The following RAD50 variants were observed in gnomAD, a reference collection of about 807,000 sequenced individuals.
The protein encoded by RAD50 is DNA repair protein RAD50.
Under a neutral mutation model 168.8 loss-of-function variants are expected in RAD50, and 132 were observed. That is an observed-to-expected ratio of 0.78 (90% CI 0.68 to 0.90). The LOEUF (loss-of-function observed/expected upper bound fraction) is 0.90, where lower values mean the gene tolerates loss of function less well. Ranked by LOEUF, RAD50 falls within the 40% of genes least tolerant of loss-of-function variation. The pLI is 0.00. For missense variants in RAD50, 1,347 were observed against 1,534.4 expected, an observed-to-expected ratio of 0.88 and a Z score of 2.04; for synonymous variants, 525 against 497.4, an observed-to-expected ratio of 1.06 and a Z score of -0.74.
At chr5:132,604,235 A>C (rs1306621451) in intron 15 of RAD50, among the ~76,000 whole-genome samples, 189 bp downstream of exon 15, 2 of 151,508 alleles carry the variant, frequency 1.3e-5, no homozygotes, top group African/African-American at 4.8e-5. Flanking sequence ...TTTGAACAGT[A>C]GGAGAGTATG....
At position 132,587,768 on chromosome 5, in the gene RAD50, A is replaced by T. The variant is rs370489398; in HGVS notation, c.885+78A>T. 1.1e-5 allele frequency: 18 copies of T among 1,596,096 alleles called. No individual in the cohort carries two copies. The African/African-American group carries it at 2.3e-4, about 20-fold the overall frequency. ...GAACTTTATTTGAATCCATTTTGCC[A>T]TCCACATTGGAAAAAAACAAATACA... On this transcript the variant is annotated intron_variant, in intron 6 of 24. Transcript: ENST00000378823.
At chr5:132,613,594 CTTTTTTT>C (rs869151568) in intron 19 of RAD50, among the ~76,000 whole-genome samples, 2 of 111,160 alleles carry the variant, frequency 1.8e-5, no homozygotes, top group African/African-American at 3.7e-5. Flanking sequence ...TCACAATAGT[CTTTTTTT>C]TTTTTTTTTT....
At position 132,594,052 on chromosome 5, in the gene RAD50, G is replaced by A. The variant is rs78481644; in HGVS notation, c.1794-817G>A. Among the ~76,000 whole-genome samples the A allele has an allele frequency of 2.9e-4, 44 of 152,234 alleles. No homozygotes were observed. The East Asian group carries it at 7.5e-3, about 26-fold the overall frequency. On this transcript the variant is annotated intron_variant, in intron 11 of 24. Coordinates refer to ENST00000378823, the MANE Select transcript of RAD50 (RefSeq NM_005732.4). ...GTGATCTTGATGAGAAGTGCTCAAGGGAGTCTAGGATAATGAAAATATCAT... is the reference window on the plus strand; with the variant it reads ...GTGATCTTGATGAGAAGTGCTCAAGAGAGTCTAGGATAATGAAAATATCAT...
intron 5 of RAD50, 62 bp from the exon 6 acceptor site, chr5:132,587,500 T>A: frequency 1.3e-6 from 2 of 1,592,362 alleles, no homozygotes; most frequent in Non-Finnish European, 1.7e-6. Flanking sequence ...CTTACTTGTC[T>A]TCATCTATCA....
chr5:132,591,188 TA>T, intron 9 of RAD50, 35 bp from the exon 10 acceptor site: 1 of 1,552,086 alleles, frequency 6.4e-7, no homozygotes, highest in Non-Finnish European at 8.9e-7. Context: ...GCACAAAATA[TA>T]TAACACCTTT....
chr5:132,603,150 CAT>C lies in RAD50; in HGVS notation c.2208-147_2208-146del, dbSNP rs371259706. 9.4e-4 allele frequency: 693 copies of C among 733,990 alleles called. 5 individuals carry two copies. In the African/African-American group the frequency reaches 0.011, roughly 11 times the overall value. 45.5% of individuals were successfully genotyped at this position (733,990 alleles called of 1,614,324 possible). A position where few individuals can be genotyped will look rare whatever the true frequency, so the allele number is the denominator to read the frequency against. The stretch of plus-strand genomic sequence containing the variant: ...AGGATTAACATCATCAGTAATAAGA[CAT>C]ATTGATATCATGATTCCATATCCAC... On this transcript the variant is annotated intron_variant, in intron 13 of 24. Coordinates refer to ENST00000378823, the MANE Select transcript of RAD50 (RefSeq NM_005732.4).
At chr5:132,594,753 C>T in intron 11 of RAD50, 116 bp from the exon 12 acceptor site, 5 of 1,073,938 alleles carry the variant, frequency 4.7e-6, no homozygotes, top group Non-Finnish European at 7.0e-6. Flanking sequence ...ATTATTTGGT[C>T]ATACCAAACT....
Position 132,608,706 on chromosome 5 carries a change from A to G in RAD50, c.2810A>G (p.Asn937Ser), listed in dbSNP as rs372347288. The change falls in exon 17 of 25, where the codon AAC becomes AGC. Residue 937 changes from asparagine (N) to serine (S), a missense_variant. Physicochemically the swap from Asn to Ser is conservative, Grantham distance 46. Coordinates refer to ENST00000378823, the MANE Select transcript of RAD50 (RefSeq NM_005732.4). ...TTAATCAACAAAAAAAATACAAGCA[A>G]CAAAATAGCACAGGATAAAGTAAGA... ...EELINKKNTS[N>S]KIAQDKLNDI... 4 of 1,586,970 alleles carry G rather than the reference A, an allele frequency of 2.5e-6. No homozygotes were observed. Among genetic ancestry groups the G allele is most frequent in the African/African-American group, 2.7e-5 (2 of 73,620 alleles).
At chr5:132,580,434 T>C (rs1166582843) in intron 5 of RAD50, among the ~76,000 whole-genome samples, 5 of 152,310 alleles carry the variant, frequency 3.3e-5, no homozygotes, top group Non-Finnish European at 7.4e-5. Context: ...AGCTTGGATT[T>C]GAAAGAAAAC....
intron 2 of RAD50, among the ~76,000 whole-genome samples, chr5:132,574,606 C>T (rs967150373): frequency 1.3e-5 from 2 of 152,172 alleles, no homozygotes; most frequent in Non-Finnish European, 2.9e-5. Flanking sequence ...TTGAATTCCT[C>T]CTCAGAAAAT....
rs772029416 is a variant in RAD50, at chr5:132,643,044, A to T, written c.*680A>T. ...TCAGAGCTCTCTCTACAGAGAGGAAATTCTCCACTGTGCACACCCACCTTT... is the reference window on the plus strand; with the variant it reads ...TCAGAGCTCTCTCTACAGAGAGGAATTTCTCCACTGTGCACACCCACCTTT... On this transcript the variant is annotated 3_prime_UTR_variant, in exon 25 of 25. Transcript: ENST00000378823. 1 of 529,632 alleles carries T rather than the reference A, an allele frequency of 1.9e-6. No homozygotes were observed. The highest frequency in any genetic ancestry group is 1.9e-5 in the African/African-American group (1 of 52,728). The allele number at this position is 529,632 out of a possible 1,614,324, so 32.8% of individuals were successfully genotyped here.
intron 2 of RAD50, 124 bp downstream of exon 2, chr5:132,559,491 C>A (rs1750083284): frequency 3.4e-6 from 3 of 891,372 alleles, no homozygotes; most frequent in South Asian, 1.9e-5. Flanking sequence ...GTTTTAGCAC[C>A]CAGTAGTAAC....
chr5:132,586,718 T>C lies in RAD50; in HGVS notation c.757-844T>C, dbSNP rs112177560. ...CATATGTTAGTTTAAAATTAGGTTC[T>C]GCTGGGCATGGTGGTACATACTTAT... is the stretch of plus-strand genomic sequence containing the variant. On this transcript the variant is annotated intron_variant, in intron 5 of 24. Coordinates refer to ENST00000378823, the MANE Select transcript of RAD50 (RefSeq NM_005732.4). 7.7e-3 allele frequency among the ~76,000 whole-genome samples: 1,167 copies of C among 152,240 alleles called. 16 individuals carry two copies. The highest frequency in any genetic ancestry group is 0.026 in the African/African-American group (1,071 of 41,526).
Position 132,557,073 on chromosome 5 carries a change from G to C in RAD50, c.-252G>C. The C allele has an allele frequency of 1.5e-6, 1 of 661,894 alleles. No homozygotes were observed. Among genetic ancestry groups the C allele is most frequent in the South Asian group, 1.9e-5 (1 of 52,732 alleles). 41.0% of individuals were successfully genotyped at this position (661,894 alleles called of 1,614,324 possible). ...TTTGCGTCCCCGGCGGGCAGCCCCA[G>C]GCTGGTCCCCGCCTCCGCTCTCCCC... On this transcript the variant is annotated 5_prime_UTR_variant, in exon 1 of 25. Transcript: ENST00000378823.
intron 3 of RAD50, among the ~76,000 whole-genome samples, 158 bp downstream of exon 3, chr5:132,576,086 A>G (rs1750395898): frequency 6.6e-6 from 1 of 152,228 alleles, no homozygotes; most frequent in African/African-American, 2.4e-5. Context: ...GTTTATAGCA[A>G]AATTGGGCAG....
chr5:132,617,513 T>G (rs1052519247), intron 20 of RAD50, among the ~76,000 whole-genome samples: 1 of 152,224 alleles, frequency 6.6e-6, no homozygotes, highest in African/African-American at 2.4e-5. Context: ...TGCCAAAATA[T>G]CAGAAAAGTT....
At chr5:132,620,847 ATAAAG>A (rs767935222) in intron 21 of RAD50, among the ~76,000 whole-genome samples, 3 of 152,234 alleles carry the variant, frequency 2.0e-5, no homozygotes, top group African/African-American at 7.2e-5. Flanking sequence ...TTCTTTCACA[ATAAAG>A]TAAACTGGAG....
At position 132,557,170 on chromosome 5, in the gene RAD50, G is replaced by A; in HGVS notation, c.-155G>A. 9.8e-7 allele frequency: 1 copy of A among 1,019,044 alleles called. No homozygotes were observed. Among genetic ancestry groups the A allele is most frequent in the South Asian group, 1.4e-5 (1 of 73,154 alleles). The allele number at this position is 1,019,044 out of a possible 1,614,324, so 63.1% of individuals were successfully genotyped here. A position where few individuals can be genotyped will look rare whatever the true frequency, so the allele number is the denominator to read the frequency against. Reference sequence around the variant, plus strand: ...GCCCCCTCTCTCCCGCTGTTGGCTGGCAGGATCTTTTGGCAGTCCTGTGGC... The same window carrying A: ...GCCCCCTCTCTCCCGCTGTTGGCTGACAGGATCTTTTGGCAGTCCTGTGGC... On this transcript the variant is annotated 5_prime_UTR_variant, in exon 1 of 25. Transcript: ENST00000378823.
chr5:132,602,959 A>G (rs376761348), intron 13 of RAD50, among the ~76,000 whole-genome samples: 1 of 152,208 alleles, frequency 6.6e-6, no homozygotes, highest in Admixed American at 6.5e-5. Context: ...AATTATTGCA[A>G]GCAAGATCTG....
Sources: allele counts gnomAD v4.1 joint callset (sites outside exome capture counted in the v4.1 genomes callset), GRCh38; gene constraint gnomAD v4.1.1; transcripts MANE v1.5; gene names NCBI Gene and HGNC (gene_info 2026-07-23, HGNC 2026-07-21).